TBK1: variants seen among roughly 807,000 people sequenced by gnomAD.
TBK1 encodes TANK binding kinase 1, also known as serine/threonine-protein kinase TBK1.
TBK1 carries 37 observed loss-of-function variants against 99.9 expected under a neutral mutation model. The observed-to-expected ratio is 0.37, with a 90% confidence interval of 0.28 to 0.49. TBK1 has a LOEUF of 0.49. TBK1 is among the 20% of genes least tolerant of loss of function. The probability of loss-of-function intolerance (pLI) is 0.98; values close to 1 mark genes in which losing one functional copy is unlikely to be tolerated. For missense variants in TBK1, 644 were observed against 872.5 expected (o/e 0.74, Z 3.30); for synonymous variants, 258 against 279.8 (o/e 0.92, Z 0.78).
In TBK1 at chr12:64,488,607, TACTAGTAGGG is replaced by T. The variant is rs1592371475; in HGVS notation, c.1442+20_1442+29del. ...TGAAAGTGTGAGTAGACTACTTCCTTACTAGTAGGGGTTAAATTATTAAATGTTCCATTTC... is the reference window on the plus strand; with the variant it reads ...TGAAAGTGTGAGTAGACTACTTCCTTGTTAAATTATTAAATGTTCCATTTC... On this transcript the variant is annotated intron_variant, in intron 12 of 20. Transcript: ENST00000331710. 2 of 1,457,216 alleles carry T rather than the reference TACTAGTAGGG, an allele frequency of 1.4e-6. No homozygotes were observed. Among genetic ancestry groups the T allele is most frequent in the East Asian group, 4.6e-5 (2 of 43,432 alleles). The allele number at this position is 1,457,216 out of a possible 1,614,324, so 90.3% of individuals were successfully genotyped here.
intron 5 of TBK1, among the ~76,000 whole-genome samples, chr12:64,467,928 C>T (rs1177638953): frequency 6.6e-6 from 1 of 152,186 alleles, no homozygotes; most frequent in Admixed American, 6.5e-5. Context: ...GACACAGTGG[C>T]TCATGCCTAT....
At chr12:64,465,962 G>A (rs1420044524) in intron 4 of TBK1, among the ~76,000 whole-genome samples, 1 of 152,004 alleles carries the variant, frequency 6.6e-6, no homozygotes, top group Non-Finnish European at 1.5e-5. Context: ...TGCAATCAAA[G>A]GAAATAACAT....
chr12:64,496,275 G>T (rs2040923980), intron 15 of TBK1, 92 bp from the exon 16 acceptor site: 1 of 597,414 alleles, frequency 1.7e-6, no homozygotes, highest in African/African-American at 2.0e-5. Context: ...CAGACTCTTA[G>T]CCTTTTTGAA....
chr12:64,495,926 T>TAAAA, intron 15 of TBK1, 151 bp downstream of exon 15: 8 of 385,972 alleles, frequency 2.1e-5, no homozygotes, highest in South Asian at 1.4e-4. Context: ...TTGATTGTGT[T>TAAAA]AAAAAAAAAA....
chr12:64,465,297 C>A (rs1301878817), intron 4 of TBK1, among the ~76,000 whole-genome samples: 1 of 146,264 alleles, frequency 6.8e-6, no homozygotes. Flanking sequence ...GAATTGGAAC[C>A]CTGATACATT....
intron 8 of TBK1, among the ~76,000 whole-genome samples, chr12:64,482,575 G>A (rs1346142924): frequency 6.6e-6 from 1 of 151,808 alleles, no homozygotes; most frequent in Non-Finnish European, 1.5e-5. Context: ...ATAAAGTTTT[G>A]GTCAATGATG....
At chr12:64,465,158 T>TC (rs2040588794) in intron 4 of TBK1, among the ~76,000 whole-genome samples, 1 of 143,522 alleles carries the variant, frequency 7.0e-6, no homozygotes, top group Non-Finnish European at 1.5e-5. Context: ...GGTGGGAGGA[T>TC]CACTTGAGCC....
intron 15 of TBK1, 35 bp downstream of exon 15, chr12:64,495,810 T>C: frequency 6.9e-7 from 1 of 1,448,408 alleles, no homozygotes; most frequent in Non-Finnish European, 9.3e-7. Flanking sequence ...ATTTAATAAA[T>C]CCCTCTTAGT....
chr12:64,499,276 C>T (rs1424301784), intron 20 of TBK1, among the ~76,000 whole-genome samples: 1 of 151,778 alleles, frequency 6.6e-6, no homozygotes, highest in Non-Finnish European at 1.5e-5. Context: ...AACTCCTGAC[C>T]TCAGGTGATC....
intron 4 of TBK1, among the ~76,000 whole-genome samples, chr12:64,465,401 T>A (rs765732451): frequency 2.6e-5 from 4 of 151,890 alleles, no homozygotes; most frequent in African/African-American, 4.8e-5. Context: ...TTTGACCAAA[T>A]GACCCAGCAG....
chr12:64,466,246 T>C (rs1252213995), intron 4 of TBK1, among the ~76,000 whole-genome samples: 1 of 152,172 alleles, frequency 6.6e-6, no homozygotes, highest in Non-Finnish European at 1.5e-5. Context: ...ATTTGAACAT[T>C]CATCTATCAG....
At chr12:64,499,251 G>A (rs772242442) in intron 20 of TBK1, among the ~76,000 whole-genome samples, 11 of 151,568 alleles carry the variant, frequency 7.3e-5, no homozygotes, top group Non-Finnish European at 1.3e-4. Flanking sequence ...CACCATGTTG[G>A]CCATGCTGGT....
In TBK1 at chr12:64,501,448, A is replaced by G; in HGVS notation, c.*67A>G. 6.8e-7 allele frequency: 1 copy of G among 1,469,126 alleles called. No homozygotes were observed. Among genetic ancestry groups the G allele is most frequent in the Non-Finnish European group, 9.5e-7 (1 of 1,055,346 alleles). 91.0% of individuals were successfully genotyped at this position (1,469,126 alleles called of 1,614,324 possible). A position where few individuals can be genotyped will look rare whatever the true frequency, so the allele number is the denominator to read the frequency against. ...AAAATAACGCTTGGGCATTAAATGA[A>G]TGCCTTTATAGATAGTCACTTGTTT... On this transcript the variant is annotated 3_prime_UTR_variant, in exon 21 of 21. Coordinates refer to ENST00000331710, the MANE Select transcript of TBK1 (RefSeq NM_013254.4).
chr12:64,497,929 A>C, intron 19 of TBK1, 39 bp from the exon 20 acceptor site: 1 of 1,554,452 alleles, frequency 6.4e-7, no homozygotes, highest in Non-Finnish European at 8.9e-7. Flanking sequence ...AAACATTTGC[A>C]TACTGTTTTT....
At chr12:64,485,386 G>A (rs928667657) in intron 9 of TBK1, 69 bp from the exon 10 acceptor site, 26 of 683,620 alleles carry the variant, frequency 3.8e-5, no homozygotes, top group African/African-American at 5.6e-5. Flanking sequence ...CATTGTGTTT[G>A]CTCTATAAAG....
At chr12:64,491,581 C>T (rs1440318703) in intron 13 of TBK1, among the ~76,000 whole-genome samples, 1 of 152,136 alleles carries the variant, frequency 6.6e-6, no homozygotes. Flanking sequence ...CGAGATCGTG[C>T]CACTTGCACT....
intron 20 of TBK1, among the ~76,000 whole-genome samples, chr12:64,499,504 C>G (rs2040964765): frequency 6.6e-6 from 1 of 152,052 alleles, no homozygotes; most frequent in Non-Finnish European, 1.5e-5. Context: ...ATAGTGATGT[C>G]AAACATCGTT....
At position 64,501,527 on chromosome 12, in the gene TBK1, A is replaced by G. The variant is rs1381018828; in HGVS notation, c.*146A>G. The G allele has an allele frequency of 2.8e-6, 2 of 723,262 alleles. No individual in the cohort carries two copies. Among genetic ancestry groups the G allele is most frequent in the Admixed American group, 6.7e-5 (2 of 30,074 alleles). 44.8% of individuals were successfully genotyped at this position (723,262 alleles called of 1,614,324 possible). A position where few individuals can be genotyped will look rare whatever the true frequency, so the allele number is the denominator to read the frequency against. On this transcript the variant is annotated 3_prime_UTR_variant, in exon 21 of 21. Transcript: ENST00000331710. ...TAAATATGTACAATATTGTAAATAC[A>G]TAAAAAATATACAAATTTTTGGCTG... is the stretch of plus-strand genomic sequence containing the variant.
At chr12:64,483,332 G>A (rs1374991791) in intron 8 of TBK1, among the ~76,000 whole-genome samples, 1 of 152,176 alleles carries the variant, frequency 6.6e-6, no homozygotes, top group African/African-American at 2.4e-5. Context: ...TGACACAGTG[G>A]AGGCTTGTAG....
Sources: gnomAD v4.1 joint callset for allele counts (sites outside exome capture counted in the v4.1 genomes callset) on GRCh38, gnomAD v4.1.1 for gene constraint, MANE v1.5 for transcripts, NCBI Gene and HGNC (gene_info 2026-07-23, HGNC 2026-07-21) for gene names.